The following SYNE4 variants were observed in gnomAD, a reference collection of about 807,000 sequenced individuals.
The protein encoded by SYNE4 is nesprin-4.
Under a neutral mutation model 46.9 loss-of-function variants are expected in SYNE4, and 41 were observed. The observed-to-expected ratio is 0.87, with a 90% CI of 0.68 to 1.13. The LOEUF (loss-of-function observed/expected upper bound fraction) is 1.13, where lower values mean the gene tolerates loss of function less well. Among genes scored for constraint, SYNE4 ranks in the 50% most tolerant of loss-of-function variants. SYNE4 has a pLI of 0.00. For synonymous variants in SYNE4, 221 were observed against 219.5 expected (o/e 1.01, Z -0.06); for missense variants, 492 against 514.8 (o/e 0.96, Z 0.43).
At chr19:36,005,187 G>A (rs573504769) in intron 6 of SYNE4, 146 bp downstream of exon 6, 2 of 820,392 alleles carry the variant, frequency 2.4e-6, no homozygotes, top group African/African-American at 3.5e-5. Context: ...TATTACTTCA[G>A]GCTCTGAATT....
intron 2 of SYNE4, chr19:36,007,544 ACC>A (rs934557772): frequency 1.0e-6 from 1 of 984,726 alleles, no homozygotes; most frequent in Non-Finnish European, 1.2e-6. Flanking sequence ...GGGGCTGGGT[ACC>A]CCCCAAGAAG....
rs1275121325 is a variant in SYNE4 at position 36,006,844 on chromosome 19, G to A, written c.524C>T (p.Ala175Val). 1 of 1,593,252 alleles carries A rather than the reference G, an allele frequency of 6.3e-7. No homozygotes were observed. The highest frequency in any genetic ancestry group is 1.1e-5 in the South Asian group (1 of 88,332). The change falls in exon 4 of 8, where the codon GCC (alanine) becomes GTC (valine). Residue 175 changes from alanine (A) to valine (V), a missense_variant. Ala to Val is a moderately conservative substitution (Grantham distance 64, BLOSUM62 0). Transcript: ENST00000324444. The stretch of plus-strand genomic sequence containing the variant: ...CAGGGCCCGCAGGATCTGCTCCAGG[G>A]CTGCCCAGGCCCTGGGCTCACTCCG... ...AQRSEPRAWA[A>V]LEQILRALGA...
At chr19:36,003,771 C>T in intron 6 of SYNE4, 100 bp from the exon 7 acceptor site, 2 of 1,509,848 alleles carry the variant, frequency 1.3e-6, no homozygotes, top group South Asian at 1.2e-5. Context: ...CCACGCTGGA[C>T]TGCAATGGCT....
At position 36,006,563 on chromosome 19, in the gene SYNE4, T is replaced by G; in HGVS notation, c.727A>C (p.Thr243Pro). 1 of 1,606,960 alleles carries G rather than the reference T, an allele frequency of 6.2e-7. No individual in the cohort carries two copies. The highest frequency in any genetic ancestry group is 8.5e-7 in the Non-Finnish European group (1 of 1,176,698). ...GGATCCCACTCCAACTCTGTGGAAG[T>G]GGGGAGGCTACTGGGTGCCCAGGGC... is the stretch of plus-strand genomic sequence containing the variant. ...WGPWAPSSLPTSTELEWDPAG... is the reference protein window; with the variant it reads ...WGPWAPSSLPPSTELEWDPAG... Residue 243 changes from threonine to proline, a missense_variant, in exon 5 of 8, where the codon ACT becomes CCT. Physicochemically the swap from Thr to Pro is conservative, Grantham distance 38. Transcript: ENST00000324444.
intron 6 of SYNE4, among the ~76,000 whole-genome samples, chr19:36,004,653 C>G (rs1175889515): frequency 6.6e-6 from 1 of 152,146 alleles, no homozygotes; most frequent in Admixed American, 6.5e-5. Flanking sequence ...ATTCAAGGTG[C>G]AGCCCATGAC....
rs770911877 is a variant in SYNE4 at position 36,006,433 on chromosome 19, T to G, written c.857A>C (p.Gln286Pro). The G allele has an allele frequency of 6.2e-7, 1 of 1,609,872 alleles. No homozygotes were observed. Among genetic ancestry groups the G allele is most frequent in the Admixed American group, 1.7e-5 (1 of 59,672 alleles). The change falls in exon 5 of 8, where the codon CAA becomes CCA. Residue 286 changes from glutamine (Q) to proline (P), a missense_variant. Transcript: ENST00000324444. ...GGGGTCTGCTCTCACCTCAAGGCCT[T>G]GTCCCCTGCCCTGGGGCCCCCTCTG... ...CGQRGPQGRGQGLEEADTSHS... is the reference protein window; with the variant it reads ...CGQRGPQGRGPGLEEADTSHS...
chr19:36,005,486 AG>A, intron 5 of SYNE4, 49 bp from the exon 6 acceptor site: 1 of 1,564,814 alleles, frequency 6.4e-7, no homozygotes, highest in South Asian at 1.1e-5. Flanking sequence ...GGGCCAGGAT[AG>A]GGATGTCATA....
intron 7 of SYNE4, 41 bp from the exon 8 acceptor site, chr19:36,003,561 C>A (rs1186714743): frequency 6.2e-7 from 1 of 1,603,626 alleles, no homozygotes; most frequent in South Asian, 1.1e-5. Flanking sequence ...AGGTGGGCTG[C>A]TGCTAGGAGC....
intron 5 of SYNE4, 144 bp from the exon 6 acceptor site, chr19:36,005,581 TATTC>T (rs894773231): frequency 7.5e-6 from 5 of 669,752 alleles, no homozygotes; most frequent in Non-Finnish European, 1.0e-5. Context: ...GAGAATTATT[TATTC>T]ATTCATTCAA....
Position 36,008,291 on chromosome 19 carries a change from C to T in SYNE4, c.205G>A (p.Glu69Lys), listed in dbSNP as rs577837054. Residue 69 changes from glutamate to lysine, a missense_variant, in exon 2 of 8, where the codon GAG becomes AAG. Transcript: ENST00000324444. ...CATCTCGGGGGGTGAGCGGCAGGCTCATTGCCCCTTGGCCCACCCTGGAAG... is the reference window on the plus strand; with the variant it reads ...CATCTCGGGGGGTGAGCGGCAGGCTTATTGCCCCTTGGCCCACCCTGGAAG... ...EHFQGGPRGN[E>K]PAAHPPRWST... 3 of 1,596,538 alleles carry T rather than the reference C, an allele frequency of 1.9e-6. No individual in the cohort carries two copies. The South Asian group carries it at 3.4e-5, about 18-fold the overall frequency.
chr19:36,004,981 G>A (rs139461363), intron 6 of SYNE4, among the ~76,000 whole-genome samples: 1,530 of 145,808 alleles, frequency 0.01, 99 homozygotes, highest in Admixed American at 0.1. Context: ...GGGCTCAAGC[G>A]ATTCTCCTCC....
rs775791672 is a variant in SYNE4, at chr19:36,007,230, C to G, written c.318G>C (p.Gln106His). 3 of 1,593,974 alleles carry G rather than the reference C, an allele frequency of 1.9e-6. No homozygotes were observed. The Admixed American group carries it at 5.3e-5, about 28-fold the overall frequency. Reference protein sequence around the residue: ...ISGLEVLEAEQNSLHLCLLGL... With the variant: ...ISGLEVLEAEHNSLHLCLLGL... ...CCAGCAGGCACAGGTGCAGGCTGTTCTGCTCAGCCTCTAGTACCTCCAGGC... is the reference window on the plus strand; with the variant it reads ...CCAGCAGGCACAGGTGCAGGCTGTTGTGCTCAGCCTCTAGTACCTCCAGGC... Residue 106 changes from glutamine to histidine, a missense_variant, in exon 3 of 8, where the codon CAG (glutamine) becomes CAC (histidine). Transcript: ENST00000324444.
chr19:36,008,387 G>A lies in SYNE4; in HGVS notation c.129-20C>T. On this transcript the variant is annotated intron_variant, in intron 1 of 7. Coordinates refer to ENST00000324444, the MANE Select transcript of SYNE4 (RefSeq NM_001039876.3). ...TCTGGGCTAGGAGGCAGGGGGCGGT[G>A]ACTGGGTGAGTCTCGACACCTCACT... 6.4e-7 allele frequency: 1 copy of A among 1,557,864 alleles called. No homozygotes were observed.
Position 36,005,424 on chromosome 19 carries a change from G to A in SYNE4, c.881C>T (p.Ser294Phe), listed in dbSNP as rs371573935. 13 of 1,613,930 alleles carry A rather than the reference G, an allele frequency of 8.1e-6. No individual in the cohort carries two copies. In the African/African-American group the frequency reaches 1.7e-4, roughly 22 times the overall value. The change falls in exon 6 of 8, where the codon TCT becomes TTT. Residue 294 changes from serine (S) to phenylalanine (F), a missense_variant. Coordinates refer to ENST00000324444, the MANE Select transcript of SYNE4 (RefSeq NM_001039876.3). ...RGQGLEEADT[S>F]HSRQDMLESG... The stretch of plus-strand genomic sequence containing the variant: ...CTCCAGCATGTCCTGTCGGGAGTGA[G>A]AGGTGTCTGCTTCCTGGAGAACCAG...
rs1251911212 is a variant in SYNE4, at chr19:36,003,454, G to C, written c.1098C>G (p.Leu366=). 1 of 1,610,306 alleles carries C rather than the reference G, an allele frequency of 6.2e-7. No homozygotes were observed. Among genetic ancestry groups the C allele is most frequent in the South Asian group, 1.1e-5 (1 of 90,522 alleles). The change falls in exon 8 of 8, where the codon CTC becomes CTG. Residue 366 remains leucine (L), a synonymous_variant. Coordinates refer to ENST00000324444, the MANE Select transcript of SYNE4 (RefSeq NM_001039876.3). ...FLLILFLLFL[L]LVGAMFLLPA... is the part of the protein sequence containing the mutation. ...GCAGGAGAAACATGGCACCCACCAG[G>C]AGGAGGAAGAGGAGGAAGAGGATAA...
At chr19:36,006,971 G>A (rs371134085) in intron 3 of SYNE4, 27 bp from the exon 4 acceptor site, 283 of 1,535,828 alleles carry the variant, frequency 1.8e-4, no homozygotes, top group Non-Finnish European at 4.0e-5. Flanking sequence ...ATCACCCCAC[G>A]CACACACCAG....
At position 36,008,780 on chromosome 19, in the gene SYNE4, G is replaced by A. The variant is rs866277726; in HGVS notation, c.-99C>T. 9.6e-6 allele frequency: 14 copies of A among 1,460,058 alleles called. No homozygotes were observed. The highest frequency in any genetic ancestry group is 8.1e-6 in the Non-Finnish European group (9 of 1,107,110). 90.4% of individuals were successfully genotyped at this position (1,460,058 alleles called of 1,614,324 possible). ...GAGCTCCTCCGCTGGAGTCACCCGG[G>A]CCTGAGGCTGCAGGAGAGGCCCAGG... On this transcript the variant is annotated 5_prime_UTR_variant, in exon 1 of 8. Transcript: ENST00000324444.
At position 36,006,473 on chromosome 19, in the gene SYNE4, A is replaced by G. The variant is rs779711070; in HGVS notation, c.817T>C (p.Cys273Arg). 2.5e-6 allele frequency: 4 copies of G among 1,612,784 alleles called. No individual in the cohort carries two copies. Among genetic ancestry groups the G allele is most frequent in the East Asian group, 2.2e-5 (1 of 44,842 alleles). The change falls in exon 5 of 8, where the codon TGT becomes CGT. Residue 273 changes from cysteine to arginine, a missense_variant. Transcript: ENST00000324444. ...QKTARTLGVPCELCGQRGPQG... is the reference protein window; with the variant it reads ...QKTARTLGVPRELCGQRGPQG... ...GGCCCCCTCTGGCCACACAGCTCAC[A>G]GGGCACTCCTAGTGTCCGGGCTGTC...
At position 36,006,924 on chromosome 19, in the gene SYNE4, T is replaced by G. The variant is rs919010541; in HGVS notation, c.444A>C (p.Arg148=). ...VQLQALQVDL[R]GAAERVEALL... is the part of the protein sequence containing the mutation. ...GCGCCTCCACACGCTCAGCTGCCCC[T>G]CGTAGGTCCACCTGGAGGGCCTGGG... Residue 148 remains arginine (R), a synonymous_variant, in exon 4 of 8, where the codon CGA becomes CGC. Coordinates refer to ENST00000324444, the MANE Select transcript of SYNE4 (RefSeq NM_001039876.3). 6.5e-7 allele frequency: 1 copy of G among 1,550,218 alleles called. No individual in the cohort carries two copies. The highest frequency in any genetic ancestry group is 1.4e-5 in the African/African-American group (1 of 73,146).
Sources: gnomAD v4.1 joint callset for allele counts (sites outside exome capture counted in the v4.1 genomes callset) on GRCh38, gnomAD v4.1.1 for gene constraint, MANE v1.5 for transcripts, NCBI Gene and HGNC (gene_info 2026-07-23, HGNC 2026-07-21) for gene names.